The following NXPE2 variants were observed in gnomAD, a reference collection of about 807,000 sequenced individuals.
NXPE2 encodes the protein NXPE family member 2.
A neutral mutation model predicts 34.4 loss-of-function variants in NXPE2; 34 were observed. That is an observed-to-expected ratio of 0.99 (90% CI 0.75 to 1.31). The LOEUF is 1.31. Ranked by LOEUF, NXPE2 falls within the 40% of genes most tolerant of loss-of-function variation. NXPE2 has a pLI of 0.00. For synonymous variants in NXPE2, 235 were observed against 231.3 expected (o/e 1.02, Z -0.15); for missense variants, 649 against 672.5 (o/e 0.97, Z 0.39).
At chr11:114,619,424 G>T in the NXPE2 span, among the ~76,000 whole-genome samples, 1 of 152,006 alleles carries the variant, frequency 6.6e-6, no homozygotes, top group South Asian at 2.1e-4. Context: ...TGCCTCGTGG[G>T]TAACCACTGT....
the NXPE2 span, among the ~76,000 whole-genome samples, chr11:114,481,860 C>T: frequency 6.6e-6 from 1 of 152,136 alleles, no homozygotes; most frequent in Admixed American, 6.5e-5. Flanking sequence ...AAATACCCCT[C>T]ATAAGCAATA....
chr11:114,464,447 T>C, the NXPE2 span, among the ~76,000 whole-genome samples: 2 of 152,358 alleles, frequency 1.3e-5, no homozygotes, highest in East Asian at 3.9e-4. Flanking sequence ...TTTATTGTGG[T>C]ATTAAATGCA....
downstream of NXPE2, among the ~76,000 whole-genome samples, chr11:114,711,918 C>T (rs1272365160): frequency 2.0e-5 from 3 of 152,044 alleles, no homozygotes; most frequent in Non-Finnish European, 4.4e-5. Flanking sequence ...ACCAATGGAA[C>T]AGAACAAAAA....
At chr11:114,550,556 T>G in the NXPE2 span, among the ~76,000 whole-genome samples, 2 of 152,144 alleles carry the variant, frequency 1.3e-5, no homozygotes, top group Non-Finnish European at 1.5e-5. Flanking sequence ...GTCTTATATC[T>G]TTCAACAGCG....
the NXPE2 span, chr11:114,522,818 C>T: frequency 2.5e-6 from 3 of 1,195,720 alleles, no homozygotes; most frequent in East Asian, 4.7e-5. Flanking sequence ...GAATAGAGAC[C>T]TCATTAAAAG....
chr11:114,506,105 GAAATATTAAAAA>G, the NXPE2 span, among the ~76,000 whole-genome samples: 1 of 76,496 alleles, frequency 1.3e-5, no homozygotes, highest in African/African-American at 6.1e-5. Flanking sequence ...TTTAAACCAA[GAAATATTAAAAA>G]AAAAAAAAAA....
At chr11:114,733,552 G>T in the NXPE2 span, among the ~76,000 whole-genome samples, 2 of 152,144 alleles carry the variant, frequency 1.3e-5, no homozygotes, top group Non-Finnish European at 2.9e-5. Context: ...CTATTTTGGA[G>T]GGTATGGGTT....
At chr11:114,602,958 TAC>T in the NXPE2 span, among the ~76,000 whole-genome samples, 1 of 150,212 alleles carries the variant, frequency 6.7e-6, no homozygotes, top group African/African-American at 2.4e-5. Context: ...TTATCTCATA[TAC>T]AATTACAGAA....
the NXPE2 span, among the ~76,000 whole-genome samples, chr11:114,761,561 CTTTTTT>C: frequency 8.6e-5 from 8 of 92,790 alleles, no homozygotes; most frequent in South Asian, 4.2e-4. Context: ...AGCCAAGCCT[CTTTTTT>C]TTTTTTTTTT....
the NXPE2 span, among the ~76,000 whole-genome samples, chr11:114,761,200 G>A: frequency 1.3e-5 from 2 of 152,286 alleles, no homozygotes; most frequent in East Asian, 1.9e-4. Flanking sequence ...TGCCTTTCCT[G>A]CCTTTCTAGG....
chr11:114,804,639 T>G, the NXPE2 span, among the ~76,000 whole-genome samples: 1 of 152,224 alleles, frequency 6.6e-6, no homozygotes, highest in African/African-American at 2.4e-5. Flanking sequence ...TAGAGAGAAG[T>G]CTTCATTTTT....
the NXPE2 span, among the ~76,000 whole-genome samples, chr11:114,811,897 C>G: frequency 6.6e-6 from 1 of 152,182 alleles, no homozygotes; most frequent in African/African-American, 2.4e-5. Context: ...CATCTGTAAA[C>G]TGAGGATAGT....
chr11:114,515,054 T>G, the NXPE2 span, among the ~76,000 whole-genome samples: 1 of 152,144 alleles, frequency 6.6e-6, no homozygotes, highest in East Asian at 1.9e-4. Flanking sequence ...TTACATTGTT[T>G]TCCCTTTATA....
At chr11:114,601,724 T>TA in the NXPE2 span, among the ~76,000 whole-genome samples, 3 of 71,230 alleles carry the variant, frequency 4.2e-5, no homozygotes, top group Non-Finnish European at 7.2e-5. Context: ...TATATTATAA[T>TA]TATATATTAT....
chr11:114,585,311 C>T, the NXPE2 span, among the ~76,000 whole-genome samples: 3 of 152,038 alleles, frequency 2.0e-5, no homozygotes, highest in East Asian at 3.9e-4. Context: ...TATTTCATTA[C>T]TCCCTACCCC....
the NXPE2 span, among the ~76,000 whole-genome samples, chr11:114,666,062 A>G: frequency 4.3e-4 from 65 of 152,220 alleles, no homozygotes; most frequent in African/African-American, 1.5e-3. Flanking sequence ...TCCAGTATTC[A>G]GGTTCATTTG....
the NXPE2 span, among the ~76,000 whole-genome samples, chr11:114,744,505 TATTTTA>T: frequency 1.3e-5 from 2 of 152,172 alleles, no homozygotes; most frequent in East Asian, 3.8e-4. Flanking sequence ...TCTCTTTATG[TATTTTA>T]TATATGAAAA....
the NXPE2 span, among the ~76,000 whole-genome samples, chr11:114,650,537 G>A: frequency 1.3e-5 from 2 of 152,182 alleles, no homozygotes; most frequent in African/African-American, 4.8e-5. Context: ...ATCAATGGAG[G>A]AAGGGCAAGT....
At chr11:114,544,873 A>G in the NXPE2 span, among the ~76,000 whole-genome samples, 122 of 152,298 alleles carry the variant, frequency 8.0e-4, no homozygotes, top group Non-Finnish European at 1.3e-3. Flanking sequence ...AAACTCAATA[A>G]TAAGAGAAAA....
Sources: allele counts gnomAD v4.1 joint callset (sites outside exome capture counted in the v4.1 genomes callset), GRCh38; gene constraint gnomAD v4.1.1; transcripts MANE v1.5; gene names NCBI Gene and HGNC (gene_info 2026-07-23, HGNC 2026-07-21).